LY75: variants seen among roughly 807,000 people sequenced by gnomAD.
LY75 encodes the protein C-type lectin domain family 13 member B.
In LY75, 185 loss-of-function variants were observed where a neutral mutation model predicts 231.7. The observed-to-expected ratio is 0.80, with a 90% CI of 0.71 to 0.90. LY75 has a LOEUF of 0.90. Among genes scored for constraint, LY75 ranks in the 40% least tolerant of loss-of-function variants. LY75 has a pLI of 0.00. For missense variants in LY75, 1,947 were observed against 2,050.2 expected (o/e 0.95, Z 0.97); for synonymous variants, 668 against 689.0 (o/e 0.97, Z 0.48).
intron 28 of LY75, among the ~76,000 whole-genome samples, chr2:159,826,834 C>G (rs1043609812): frequency 3.9e-5 from 6 of 152,162 alleles, no homozygotes; most frequent in Admixed American, 3.9e-4. Context: ...TTTGACAAAT[C>G]TGACACAAAC....
chr2:159,844,341 A>C (rs918568909), intron 23 of LY75, among the ~76,000 whole-genome samples: 4 of 150,138 alleles, frequency 2.7e-5, no homozygotes, highest in Non-Finnish European at 1.5e-5. Context: ...AAAAAAAAAA[A>C]AACTATATGG....
chr2:159,858,250 A>G, intron 16 of LY75, 112 bp downstream of exon 16: 1 of 1,337,890 alleles, frequency 7.5e-7, no homozygotes, highest in Non-Finnish European at 1.0e-6. Flanking sequence ...CATCATCATC[A>G]TAGGCTTTTA....
In LY75 at chr2:159,834,134, A is replaced by ATGG; in HGVS notation, c.3748_3750dup (p.Pro1250dup). On this transcript the variant is annotated inframe_insertion, in exon 27 of 35. Coordinates refer to ENST00000263636, the MANE Select transcript of LY75 (RefSeq NM_002349.4). ...ATGAAATTGTAGCAACAGTTCTGAA[A>ATGG]TGGTATCCACGGAGTATTTAGAACA... The ATGG allele has an allele frequency of 6.2e-7, 1 of 1,614,098 alleles. No homozygotes were observed. The highest frequency in any genetic ancestry group is 8.5e-7 in the Non-Finnish European group (1 of 1,179,976).
chr2:159,819,821 C>G lies in LY75; in HGVS notation c.4058G>C (p.Ser1353Thr). 6.2e-7 allele frequency: 1 copy of G among 1,614,126 alleles called. No individual in the cohort carries two copies. Among genetic ancestry groups the G allele is most frequent in the East Asian group, 2.2e-5 (1 of 44,856 alleles). ...IKNEKFLAGL[S>T]TDGFWDIQTF... ...TTGAATATCCCAGAAGCCGTCAGTACTTAAACCAGCCAAAAACTTCTCATT... is the reference window on the plus strand; with the variant it reads ...TTGAATATCCCAGAAGCCGTCAGTAGTTAAACCAGCCAAAAACTTCTCATT... The change falls in exon 29 of 35, where the codon AGT becomes ACT. Residue 1353 changes from serine to threonine, a missense_variant. By Grantham distance (58) the Ser-to-Thr change is moderately conservative. Transcript: ENST00000263636.
chr2:159,893,841 A>C, intron 3 of LY75, 73 bp downstream of exon 3: 1 of 1,498,798 alleles, frequency 6.7e-7, no homozygotes, highest in Non-Finnish European at 8.9e-7. Flanking sequence ...AGTCACTTTG[A>C]ACTCTTCCTT....
At chr2:159,831,037 G>C (rs751875074) in intron 28 of LY75, among the ~76,000 whole-genome samples, 1 of 152,204 alleles carries the variant, frequency 6.6e-6, no homozygotes, top group Non-Finnish European at 1.5e-5. Context: ...ATTTATATGG[G>C]ATGGTGATCA....
intron 15 of LY75, among the ~76,000 whole-genome samples, chr2:159,859,148 T>C (rs1684625151): frequency 6.6e-6 from 1 of 152,230 alleles, no homozygotes; most frequent in Non-Finnish European, 1.5e-5. Context: ...TCTATTTCCC[T>C]AGAACACAGT....
At position 159,834,185 on chromosome 2, in the gene LY75, C is replaced by T. The variant is rs765672722; in HGVS notation, c.3700G>A (p.Val1234Ile). ...GNETEKEVKP[V>I]DSVKCPSPVL... ...GGAGATGGACATTTAACACTGTCAA[C>T]TGGTTTGACCTCTTTTTCAGTCTCA... Residue 1234 changes from valine (V) to isoleucine (I), a missense_variant, in exon 27 of 35, where the codon GTT becomes ATT. Physicochemically the swap from Val to Ile is conservative, Grantham distance 29. Coordinates refer to ENST00000263636, the MANE Select transcript of LY75 (RefSeq NM_002349.4). 6.2e-7 allele frequency: 1 copy of T among 1,613,832 alleles called. No individual in the cohort carries two copies. The highest frequency in any genetic ancestry group is 8.5e-7 in the Non-Finnish European group (1 of 1,179,882).
At chr2:159,831,502 G>A (rs1370187934) in intron 28 of LY75, among the ~76,000 whole-genome samples, 168 bp downstream of exon 28, 1 of 152,132 alleles carries the variant, frequency 6.6e-6, no homozygotes, top group Non-Finnish European at 1.5e-5. Flanking sequence ...GATGATAAAG[G>A]CAGAGCAGAG....
chr2:159,827,169 G>C (rs1444038666), intron 28 of LY75, among the ~76,000 whole-genome samples: 1 of 152,138 alleles, frequency 6.6e-6, no homozygotes, highest in East Asian at 1.9e-4. Flanking sequence ...AGAGTCAACA[G>C]GCAACATACA....
intron 2 of LY75, among the ~76,000 whole-genome samples, chr2:159,897,293 A>G (rs1685933306): frequency 6.6e-6 from 1 of 152,236 alleles, no homozygotes; most frequent in Non-Finnish European, 1.5e-5. Flanking sequence ...AAATCCAATT[A>G]AAAGGCATTT....
chr2:159,854,798 T>G, intron 17 of LY75, 106 bp downstream of exon 17: 1 of 1,486,764 alleles, frequency 6.7e-7, no homozygotes. Flanking sequence ...AAATTTTGTC[T>G]CACTTGAAGA....
intron 13 of LY75, among the ~76,000 whole-genome samples, chr2:159,865,508 A>C (rs1684832088): frequency 6.6e-6 from 1 of 152,190 alleles, no homozygotes. Context: ...GCTAGGTGCA[A>C]TGATGACACA....
chr2:159,808,701 C>T, intron 32 of LY75, 130 bp from the exon 33 acceptor site: 1 of 1,332,964 alleles, frequency 7.5e-7, no homozygotes, highest in Non-Finnish European at 9.8e-7. Context: ...TACACAGAGA[C>T]AGTTTTTAAA....
intron 13 of LY75, 93 bp from the exon 14 acceptor site, chr2:159,865,013 AC>A: frequency 8.6e-7 from 1 of 1,168,350 alleles, no homozygotes; most frequent in African/African-American, 1.6e-5. Context: ...ATTGAAAAGC[AC>A]AGTTTCAAGC....
chr2:159,834,182 C>T lies in LY75; in HGVS notation c.3703G>A (p.Asp1235Asn). ...ACAGGAGATGGACATTTAACACTGT[C>T]AACTGGTTTGACCTCTTTTTCAGTC... ...NETEKEVKPV[D>N]SVKCPSPVLN... is the part of the protein sequence containing the mutation. Residue 1235 changes from aspartate (D) to asparagine (N), a missense_variant, in exon 27 of 35, where the codon GAC becomes AAC. By Grantham distance (23) the Asp-to-Asn change is conservative. Coordinates refer to ENST00000263636, the MANE Select transcript of LY75 (RefSeq NM_002349.4). 1 of 1,613,796 alleles carries T rather than the reference C, an allele frequency of 6.2e-7. No individual in the cohort carries two copies. Among genetic ancestry groups the T allele is most frequent in the African/African-American group, 1.3e-5 (1 of 75,018 alleles).
At chr2:159,843,841 A>C (rs929917462) in intron 23 of LY75, among the ~76,000 whole-genome samples, 1 of 152,206 alleles carries the variant, frequency 6.6e-6, no homozygotes, top group Non-Finnish European at 1.5e-5. Context: ...GTTTAAAGTG[A>C]GGAATATGGT....
At chr2:159,815,120 C>T (rs1009219176) in intron 31 of LY75, among the ~76,000 whole-genome samples, 1 of 151,904 alleles carries the variant, frequency 6.6e-6, no homozygotes, top group African/African-American at 2.4e-5. Context: ...CCCGCCTCAG[C>T]CTCCTGACTA....
chr2:159,867,789 C>A (rs1684900225), intron 13 of LY75, among the ~76,000 whole-genome samples: 1 of 152,204 alleles, frequency 6.6e-6, no homozygotes, highest in Non-Finnish European at 1.5e-5. Context: ...CTTCTCTAAT[C>A]CTATGGCTAT....
Sources: allele counts gnomAD v4.1 joint callset (sites outside exome capture counted in the v4.1 genomes callset), GRCh38; gene constraint gnomAD v4.1.1; transcripts MANE v1.5; gene names NCBI Gene and HGNC (gene_info 2026-07-23, HGNC 2026-07-21).